The following ARFGEF1 variants were observed in gnomAD, a reference collection of about 807,000 sequenced individuals.
ARFGEF1 encodes the protein ARF guanine nucleotide exchange factor 1.
A neutral mutation model predicts 231.0 loss-of-function variants in ARFGEF1; 42 were observed. The ratio of observed to expected loss-of-function variants is 0.18; its 90% confidence interval spans 0.14 to 0.24. The LOEUF is 0.24. ARFGEF1 is among the 10% of genes least tolerant of loss of function. ARFGEF1 has a pLI of 1.00. For missense variants in ARFGEF1, 1,345 were observed against 2,192.0 expected, an observed-to-expected ratio of 0.61 and a Z score of 7.72; for synonymous variants, 710 against 732.3, an observed-to-expected ratio of 0.97 and a Z score of 0.49.
At chr8:67,299,417 C>T (rs1432779032) in intron 3 of ARFGEF1, 62 bp from the exon 4 acceptor site, 1 of 1,389,552 alleles carries the variant, frequency 7.2e-7, no homozygotes, top group East Asian at 2.5e-5. Flanking sequence ...CATACTAATG[C>T]AATATACATT....
chr8:67,339,841 G>C (rs1430721806), intron 1 of ARFGEF1, among the ~76,000 whole-genome samples: 1 of 113,132 alleles, frequency 8.8e-6, no homozygotes, highest in Non-Finnish European at 1.8e-5. Context: ...ACTTCAAAAT[G>C]AAGTCTGACA....
chr8:67,279,564 A>T (rs998312137), intron 7 of ARFGEF1, among the ~76,000 whole-genome samples: 3 of 152,188 alleles, frequency 2.0e-5, no homozygotes, highest in African/African-American at 7.2e-5. Context: ...TAAATCTCTC[A>T]AATGAATACT....
At chr8:67,285,360 T>C (rs761164588) in intron 7 of ARFGEF1, among the ~76,000 whole-genome samples, 2 of 151,682 alleles carry the variant, frequency 1.3e-5, no homozygotes, top group Non-Finnish European at 2.9e-5. Flanking sequence ...TACAAAAAAA[T>C]ACAAAAACTA....
At position 67,226,201 on chromosome 8, in the gene ARFGEF1, A is replaced by G; in HGVS notation, c.3917-18T>C. ...TACAAGGGCTAAAATAGAGAAAAAT[A>G]TATATTACTATAATTTTTCAATTAT... On this transcript the variant is annotated intron_variant, in intron 27 of 38. Coordinates refer to ENST00000262215, the MANE Select transcript of ARFGEF1 (RefSeq NM_006421.5). 1 of 1,515,428 alleles carries G rather than the reference A, an allele frequency of 6.6e-7. No homozygotes were observed. The highest frequency in any genetic ancestry group is 8.8e-7 in the Non-Finnish European group (1 of 1,130,398). The allele number at this position is 1,515,428 out of a possible 1,614,324, so 93.9% of individuals were successfully genotyped here. A position where few individuals can be genotyped will look rare whatever the true frequency, so the allele number is the denominator to read the frequency against.
intron 10 of ARFGEF1, among the ~76,000 whole-genome samples, chr8:67,268,590 G>A (rs2128894817): frequency 6.6e-6 from 1 of 152,222 alleles, no homozygotes; most frequent in African/African-American, 2.4e-5. Flanking sequence ...TAGTTGCTAT[G>A]ATAAAAAACC....
chr8:67,315,055 A>G (rs1473165784), intron 1 of ARFGEF1, among the ~76,000 whole-genome samples: 1 of 152,158 alleles, frequency 6.6e-6, no homozygotes, highest in Non-Finnish European at 1.5e-5. Context: ...ACACACCTAT[A>G]TGATATAGTA....
At position 67,204,736 on chromosome 8, in the gene ARFGEF1, C is replaced by T. The variant is rs1280207113; in HGVS notation, c.4903G>A (p.Val1635Ile). Reference sequence around the variant, plus strand: ...TTCTTACTTGTGGCTGGGAAGAAGACAATGTTGTCGATAGTCTGGATGAGT... The same window carrying T: ...TTCTTACTTGTGGCTGGGAAGAAGATAATGTTGTCGATAGTCTGGATGAGT... Reference protein sequence around the residue: ...LELIQTIDNIVFFPATSKKED... With the variant: ...LELIQTIDNIIFFPATSKKED... The change falls in exon 35 of 39, where the codon GTC becomes ATC. Residue 1635 changes from valine to isoleucine, a missense_variant. Physicochemically the swap from Val to Ile is conservative, Grantham distance 29. Around this residue, in one of 14 missense-constraint regions of ARFGEF1, gnomAD observed 161 missense variants for 284.9 expected, o/e 0.57. Coordinates refer to ENST00000262215, the MANE Select transcript of ARFGEF1 (RefSeq NM_006421.5). 6.2e-7 allele frequency: 1 copy of T among 1,613,836 alleles called. No individual in the cohort carries two copies. Among genetic ancestry groups the T allele is most frequent in the Non-Finnish European group, 8.5e-7 (1 of 1,179,898 alleles).
chr8:67,291,227 T>A (rs1395293742), intron 6 of ARFGEF1, among the ~76,000 whole-genome samples: 1 of 152,160 alleles, frequency 6.6e-6, no homozygotes, highest in Non-Finnish European at 1.5e-5. Flanking sequence ...TTCATGGGAT[T>A]ATTTTTACAG....
At chr8:67,260,602 ATC>A (rs971589307) in intron 14 of ARFGEF1, among the ~76,000 whole-genome samples, 4 of 152,214 alleles carry the variant, frequency 2.6e-5, no homozygotes, top group Non-Finnish European at 5.9e-5. Context: ...TGACTGGCTC[ATC>A]TCTCTTCCTT....
chr8:67,226,027 G>A lies in ARFGEF1; in HGVS notation c.4073C>T (p.Pro1358Leu), dbSNP rs1839360456. ...RHCAKYVSDR[P>L]QAFKEYTSDD... ...GTTTACTAAATGACGCTATACCTGAGGTCTATCAGACACATATTTTGCACA... is the reference window on the plus strand; with the variant it reads ...GTTTACTAAATGACGCTATACCTGAAGTCTATCAGACACATATTTTGCACA... The change falls in exon 28 of 39, where the codon CCT becomes CTT. Residue 1358 changes from proline (P) to leucine (L), a missense_variant. Transcript: ENST00000262215. 1 of 1,599,752 alleles carries A rather than the reference G, an allele frequency of 6.3e-7. No individual in the cohort carries two copies. Among genetic ancestry groups the A allele is most frequent in the Non-Finnish European group, 8.5e-7 (1 of 1,174,224 alleles).
Position 67,226,144 on chromosome 8 carries a change from G to C in ARFGEF1, c.3956C>G (p.Ser1319Cys), listed in dbSNP as rs745712094. Residue 1319 changes from serine (S) to cysteine (C), a missense_variant, in exon 28 of 39, where the codon TCT becomes TGT. Coordinates refer to ENST00000262215, the MANE Select transcript of ARFGEF1 (RefSeq NM_006421.5). ...CAAACACTTCACTGCATCCTGGAAA[G>C]AATCAATGGTCGCTGGAAAGTGTTT... ...FEKHFPATID[S>C]FQDAVKCLSE... 1.9e-6 allele frequency: 3 copies of C among 1,611,164 alleles called. No homozygotes were observed. In the East Asian group the frequency reaches 6.7e-5, roughly 36 times the overall value.
chr8:67,337,003 T>G (rs1016111507), intron 1 of ARFGEF1, among the ~76,000 whole-genome samples: 1 of 151,796 alleles, frequency 6.6e-6, no homozygotes, highest in African/African-American at 2.4e-5. Context: ...GCGGTAGCGC[T>G]ACACGAGATT....
chr8:67,319,117 A>C (rs1326689709), intron 1 of ARFGEF1, among the ~76,000 whole-genome samples: 1 of 152,246 alleles, frequency 6.6e-6, no homozygotes, highest in Non-Finnish European at 1.5e-5. Context: ...TATCAAGTTC[A>C]TTGACTGAAA....
At chr8:67,196,494 A>G (rs1044147847), downstream of ARFGEF1, among the ~76,000 whole-genome samples, 13 of 152,352 alleles carry the variant, frequency 8.5e-5, no homozygotes, top group Admixed American at 7.2e-4. Context: ...TCTCAGAACC[A>G]TGACAGCTGA....
chr8:67,183,591 C>A (rs1054724173), intron 5 of ARFGEF1, among the ~76,000 whole-genome samples: 1 of 152,102 alleles, frequency 6.6e-6, no homozygotes, highest in African/African-American at 2.4e-5. Context: ...TTTTAAAATA[C>A]TTTGATCTAA....
chr8:67,224,861 C>A, intron 29 of ARFGEF1, 42 bp downstream of exon 29: 4 of 1,404,410 alleles, frequency 2.8e-6, no homozygotes, highest in South Asian at 3.2e-5. Flanking sequence ...TGATTAAAGT[C>A]AAAATAAATC....
chr8:67,300,843 C>CA (rs1416397895), intron 3 of ARFGEF1, among the ~76,000 whole-genome samples: 1 of 145,958 alleles, frequency 6.9e-6, no homozygotes, highest in Non-Finnish European at 1.5e-5. Flanking sequence ...GACTTCGTCT[C>CA]AAAAAATTAA....
Position 67,198,775 on chromosome 8 carries a change from A to G in ARFGEF1, c.*159T>C, listed in dbSNP as rs1838203463. 1 of 1,428,946 alleles carries G rather than the reference A, an allele frequency of 7.0e-7. No homozygotes were observed. Among genetic ancestry groups the G allele is most frequent in the Middle Eastern group, 1.9e-4 (1 of 5,358 alleles). The allele number at this position is 1,428,946 out of a possible 1,614,324, so 88.5% of individuals were successfully genotyped here. ...ACAAAATCCACCAGCACTAAAAGGG[A>G]CTGGAGTGTTGCAAGTTTGAGTAAG... On this transcript the variant is annotated 3_prime_UTR_variant, in exon 39 of 39. Coordinates refer to ENST00000262215, the MANE Select transcript of ARFGEF1 (RefSeq NM_006421.5).
At chr8:67,204,580 G>C in intron 35 of ARFGEF1, 100 bp downstream of exon 35, 3 of 1,340,190 alleles carry the variant, frequency 2.2e-6, no homozygotes, top group South Asian at 3.0e-5. Context: ...GTATGATGAA[G>C]GCCCCACAAA....
Sources: allele counts gnomAD v4.1 joint callset (sites outside exome capture counted in the v4.1 genomes callset), GRCh38; gene constraint gnomAD v4.1.1; regional missense constraint gnomAD v4.1.1; transcripts MANE v1.5; gene names NCBI Gene and HGNC (gene_info 2026-07-23, HGNC 2026-07-21).